CRYBG1: variants seen among roughly 807,000 people sequenced by gnomAD.
The protein encoded by CRYBG1 is beta/gamma crystallin domain-containing protein 1.
Under a neutral mutation model 189.2 loss-of-function variants are expected in CRYBG1, and 139 were observed. That is an observed-to-expected ratio of 0.73 (90% CI 0.64 to 0.85). The LOEUF (loss-of-function observed/expected upper bound fraction) is 0.85. Ranked by LOEUF, CRYBG1 falls within the 40% of genes least tolerant of loss-of-function variation. The probability of loss-of-function intolerance (pLI) is 0.00; values close to 1 mark genes in which losing one functional copy is unlikely to be tolerated. For missense variants in CRYBG1, 2,611 were observed against 2,675.8 expected (o/e 0.98, Z 0.53); for synonymous variants, 1,023 against 1,017.1 (o/e 1.01, Z -0.11).
At chr6:106,442,949 A>G (rs1043878011) in intron 1 of CRYBG1, among the ~76,000 whole-genome samples, 1 of 152,238 alleles carries the variant, frequency 6.6e-6, no homozygotes, top group Admixed American at 6.5e-5. Context: ...TTCTGTAGAC[A>G]GTGCTGAGCT....
In CRYBG1 at chr6:106,558,441, A is replaced by T. The variant is rs779466733; in HGVS notation, c.5716-45A>T. 6 of 1,446,558 alleles carry T rather than the reference A, an allele frequency of 4.1e-6. No homozygotes were observed. In the South Asian group the frequency reaches 7.9e-5, roughly 19 times the overall value. The allele number at this position is 1,446,558 out of a possible 1,614,324, so 89.6% of individuals were successfully genotyped here. ...GATGATTTTCACATAAGTTTGAATT[A>T]TTAACAAAGATGAATAACAGAACAT... On this transcript the variant is annotated intron_variant, in intron 17 of 21. Transcript: ENST00000633556.
intron 8 of CRYBG1, among the ~76,000 whole-genome samples, chr6:106,534,155 C>A (rs145252545): frequency 2.0e-5 from 3 of 152,278 alleles, no homozygotes; most frequent in African/African-American, 7.2e-5. Context: ...ATATTTTAAT[C>A]TCAGTGTCTG....
intron 1 of CRYBG1, among the ~76,000 whole-genome samples, chr6:106,394,915 G>A (rs1409969495): frequency 6.6e-6 from 1 of 150,832 alleles, no homozygotes; most frequent in Non-Finnish European, 1.5e-5. Context: ...GAGTACAGTG[G>A]TATAATCTCA....
intron 2 of CRYBG1, among the ~76,000 whole-genome samples, chr6:106,482,422 G>A (rs1459111323): frequency 3.1e-5 from 4 of 130,418 alleles, no homozygotes; most frequent in African/African-American, 1.2e-4. Context: ...CACAGGTCCT[G>A]TAAAGGGATG....
At chr6:106,542,935 C>T (rs1774166692) in intron 10 of CRYBG1, among the ~76,000 whole-genome samples, 1 of 150,682 alleles carries the variant, frequency 6.6e-6, no homozygotes, top group African/African-American at 2.4e-5. Context: ...AGGTGTGAGC[C>T]ACTGTGCCTG....
At chr6:106,540,488 A>C (rs1774104948) in intron 9 of CRYBG1, among the ~76,000 whole-genome samples, 1 of 152,174 alleles carries the variant, frequency 6.6e-6, no homozygotes, top group East Asian at 1.9e-4. Flanking sequence ...TTGTTTCTAA[A>C]ATTAAACTCA....
chr6:106,421,269 G>C (rs959337057), intron 1 of CRYBG1, among the ~76,000 whole-genome samples: 1 of 152,216 alleles, frequency 6.6e-6, no homozygotes, highest in Non-Finnish European at 1.5e-5. Flanking sequence ...AGAATGGAGG[G>C]AGAACCATGA....
At chr6:106,542,156 T>C (rs1209998400) in intron 10 of CRYBG1, among the ~76,000 whole-genome samples, 1 of 149,494 alleles carries the variant, frequency 6.7e-6, no homozygotes, top group Non-Finnish European at 1.5e-5. Context: ...TTATTTTATA[T>C]ATATATGTAT....
At position 106,429,159 on chromosome 6, in the gene CRYBG1, G is replaced by A. The variant is rs150970183; in HGVS notation, c.174-22535G>A. Among the ~76,000 whole-genome samples the A allele has an allele frequency of 4.3e-3, 650 of 152,118 alleles. 6 individuals carry two copies. Among genetic ancestry groups the A allele is most frequent in the African/African-American group, 0.015 (610 of 41,498 alleles). On this transcript the variant is annotated intron_variant, in intron 1 of 21. Transcript: ENST00000633556. ...TTCCTTTCATTTCCTTCTATTTTCC[G>A]TCTCTATGTGGAATATATCACCTAT... is the stretch of plus-strand genomic sequence containing the variant.
At chr6:106,471,251 A>G (rs1017888460) in intron 2 of CRYBG1, among the ~76,000 whole-genome samples, 16 of 152,212 alleles carry the variant, frequency 1.1e-4, no homozygotes, top group African/African-American at 3.9e-4. Flanking sequence ...TGACCATGCA[A>G]CTTGGCCTTC....
At chr6:106,396,280 A>C (rs1770606208) in intron 1 of CRYBG1, among the ~76,000 whole-genome samples, 1 of 152,184 alleles carries the variant, frequency 6.6e-6, no homozygotes, top group African/African-American at 2.4e-5. Context: ...ACCACTGATT[A>C]GTCTCCCAGC....
chr6:106,550,711 T>G (rs1169973656), intron 13 of CRYBG1, among the ~76,000 whole-genome samples: 1 of 152,194 alleles, frequency 6.6e-6, no homozygotes, highest in Non-Finnish European at 1.5e-5. Flanking sequence ...TCTTTTTCAG[T>G]GTGGTTTGTT....
chr6:106,571,076 C>G lies in CRYBG1; in HGVS notation c.*2510C>G, dbSNP rs1775046708. 1 of 152,162 alleles carries G rather than the reference C, an allele frequency of 6.6e-6. No individual in the cohort carries two copies. Among genetic ancestry groups the G allele is most frequent in the Non-Finnish European group, 1.5e-5 (1 of 68,038 alleles). The allele number at this position is 152,162 out of a possible 1,614,324, so 9.4% of individuals were successfully genotyped here. On this transcript the variant is annotated 3_prime_UTR_variant, in exon 22 of 22. Transcript: ENST00000633556. Reference sequence around the variant, plus strand: ...GGGCTCCATTGGAAGGCTGCAATTTCCATGGAAAAGCCCTCAGAGAAGCAT... The same window carrying G: ...GGGCTCCATTGGAAGGCTGCAATTTGCATGGAAAAGCCCTCAGAGAAGCAT...
At chr6:106,381,831 T>C (rs1313798263) in intron 1 of CRYBG1, among the ~76,000 whole-genome samples, 1 of 152,196 alleles carries the variant, frequency 6.6e-6, no homozygotes, top group African/African-American at 2.4e-5. Context: ...CCCCAGGTGG[T>C]TGGAAGTCCA....
intron 4 of CRYBG1, among the ~76,000 whole-genome samples, chr6:106,524,566 GA>G (rs1172247797): frequency 3.3e-5 from 5 of 149,796 alleles, no homozygotes; most frequent in Admixed American, 2.0e-4. Flanking sequence ...CATCTCAAAA[GA>G]AAAAAAAGGG....
chr6:106,568,709 T>A lies in CRYBG1; in HGVS notation c.*143T>A, dbSNP rs1482857507. 2 of 590,026 alleles carry A rather than the reference T, an allele frequency of 3.4e-6. No individual in the cohort carries two copies. Among genetic ancestry groups the A allele is most frequent in the African/African-American group, 3.7e-5 (2 of 54,018 alleles). The allele number at this position is 590,026 out of a possible 1,614,324, so 36.5% of individuals were successfully genotyped here. A position where few individuals can be genotyped will look rare whatever the true frequency, so the allele number is the denominator to read the frequency against. ...AATTCAACCTTAAATCATGCTGCCA[T>A]GACTCAGAGAACTTACTCATCGTTT... On this transcript the variant is annotated 3_prime_UTR_variant, in exon 22 of 22. Coordinates refer to ENST00000633556, the MANE Select transcript of CRYBG1 (RefSeq NM_001371242.2).
At chr6:106,393,421 TG>T (rs11314460) in intron 1 of CRYBG1, among the ~76,000 whole-genome samples, 152,290 of 152,294 alleles carry the variant, frequency 1, 76,143 homozygotes, top group Middle Eastern at 1. Context: ...ATAAGTTCCC[TG>T]GGGCATTCCT....
At chr6:106,361,971 T>TGC in intron 1 of CRYBG1, among the ~76,000 whole-genome samples, 1 of 52,870 alleles carries the variant, frequency 1.9e-5, no homozygotes, top group African/African-American at 1.0e-4. Context: ...CTTTCTTTCT[T>TGC]TTTTTTTTTT....
intron 1 of CRYBG1, among the ~76,000 whole-genome samples, chr6:106,364,043 A>G (rs959842947): frequency 1.3e-5 from 2 of 152,178 alleles, no homozygotes; most frequent in African/African-American, 4.8e-5. Flanking sequence ...TTACCAGTCC[A>G]GCCGGGTGCG....
Sources: gnomAD v4.1 joint callset for allele counts (sites outside exome capture counted in the v4.1 genomes callset) on GRCh38, gnomAD v4.1.1 for gene constraint, MANE v1.5 for transcripts, NCBI Gene and HGNC (gene_info 2026-07-23, HGNC 2026-07-21) for gene names.